The following EYS variants were observed in gnomAD, a reference collection of about 807,000 sequenced individuals.
EYS encodes the protein protein eyes shut homolog.
A neutral mutation model predicts 282.1 loss-of-function variants in EYS; 250 were observed. The ratio of observed to expected loss-of-function variants is 0.89; its 90% confidence interval spans 0.80 to 0.98. The LOEUF (loss-of-function observed/expected upper bound fraction) is 0.98. Among genes scored for constraint, EYS ranks in the 50% least tolerant of loss-of-function variants. The pLI is 0.00. For synonymous variants in EYS, 1,355 were observed against 1,282.9 expected (o/e 1.06, Z -1.20); for missense variants, 4,016 against 3,709.0 (o/e 1.08, Z -2.15).
At chr6:64,959,090 ATAAATACT>A (rs879620378) in intron 14 of EYS, among the ~76,000 whole-genome samples, 1 of 152,212 alleles carries the variant, frequency 6.6e-6, no homozygotes, top group Non-Finnish European at 1.5e-5. Context: ...GATGGGGGAT[ATAAATACT>A]CAGTCGTAGT....
intron 18 of EYS, among the ~76,000 whole-genome samples, chr6:64,896,667 C>A (rs1459104063): frequency 6.6e-6 from 1 of 151,992 alleles, no homozygotes; most frequent in Non-Finnish European, 1.5e-5. Context: ...GCAGATCCCA[C>A]CCCCACAGAG....
At chr6:65,608,200 T>C (rs959006856) in intron 2 of EYS, among the ~76,000 whole-genome samples, 1 of 152,068 alleles carries the variant, frequency 6.6e-6, no homozygotes, top group Non-Finnish European at 1.5e-5. Context: ...CTATATGCTA[T>C]AGCCTATTGC....
chr6:65,561,991 C>T (rs1769077466), intron 2 of EYS, among the ~76,000 whole-genome samples: 2 of 151,104 alleles, frequency 1.3e-5, no homozygotes, highest in Admixed American at 6.6e-5. Context: ...CCAACTTTTT[C>T]ATTGTAAAAT....
At chr6:63,884,271 A>T (rs1773207470) in intron 35 of EYS, among the ~76,000 whole-genome samples, 1 of 152,080 alleles carries the variant, frequency 6.6e-6, no homozygotes, top group South Asian at 2.1e-4. Context: ...TACTAAGAAG[A>T]TACATCTGAA....
chr6:64,259,488 A>G (rs1767510071), intron 30 of EYS, among the ~76,000 whole-genome samples: 1 of 152,002 alleles, frequency 6.6e-6, no homozygotes, highest in African/African-American at 2.4e-5. Context: ...TTTAAGAGCC[A>G]TCCCTTTGAT....
intron 31 of EYS, among the ~76,000 whole-genome samples, chr6:64,092,753 T>C (rs997398213): frequency 1.3e-5 from 2 of 151,702 alleles, no homozygotes; most frequent in African/African-American, 4.9e-5. Flanking sequence ...AGCTCTTTAG[T>C]CTAATTAGAT....
intron 28 of EYS, among the ~76,000 whole-genome samples, chr6:64,411,682 A>C (rs932000660): frequency 3.9e-5 from 6 of 152,050 alleles, no homozygotes; most frequent in Non-Finnish European, 5.9e-5. Context: ...ACCAATATAC[A>C]AAAGTTTATT....
intron 5 of EYS, among the ~76,000 whole-genome samples, chr6:65,441,025 G>A (rs1468618226): frequency 6.7e-6 from 1 of 148,416 alleles, no homozygotes; most frequent in African/African-American, 2.5e-5. Flanking sequence ...GCACATCATA[G>A]GAACTAAATA....
chr6:65,690,039 T>C (rs1769184469), intron 1 of EYS, among the ~76,000 whole-genome samples: 1 of 149,954 alleles, frequency 6.7e-6, no homozygotes. Flanking sequence ...GTCATTTCAT[T>C]ATGAGGTGAG....
chr6:64,043,791 G>A (rs1475451785), intron 33 of EYS, among the ~76,000 whole-genome samples: 2 of 152,208 alleles, frequency 1.3e-5, no homozygotes, highest in African/African-American at 2.4e-5. Context: ...TTTGTTCTGT[G>A]TGGTAACTTC....
chr6:63,879,001 C>T (rs1773056681), intron 35 of EYS, among the ~76,000 whole-genome samples: 1 of 152,168 alleles, frequency 6.6e-6, no homozygotes, highest in African/African-American at 2.4e-5. Flanking sequence ...GAACCCGGTA[C>T]TTCAGGTGCA....
At chr6:64,419,274 T>C (rs975850464) in intron 28 of EYS, among the ~76,000 whole-genome samples, 7 of 152,176 alleles carry the variant, frequency 4.6e-5, no homozygotes, top group African/African-American at 1.7e-4. Context: ...ACCACCTCCA[T>C]GATTCAATTA....
At chr6:64,517,942 G>A (rs1229391088) in intron 26 of EYS, among the ~76,000 whole-genome samples, 1 of 151,788 alleles carries the variant, frequency 6.6e-6, no homozygotes, top group African/African-American at 2.4e-5. Flanking sequence ...TTTTCCAGCT[G>A]ATGTTGCCTA....
chr6:65,633,163 A>G (rs1249771621), intron 2 of EYS, among the ~76,000 whole-genome samples: 3 of 152,118 alleles, frequency 2.0e-5, no homozygotes, highest in Non-Finnish European at 4.4e-5. Flanking sequence ...CATAAGATTT[A>G]TTTTTTGACT....
chr6:65,614,119 T>G (rs1003657753), intron 2 of EYS, among the ~76,000 whole-genome samples: 2 of 151,988 alleles, frequency 1.3e-5, no homozygotes, highest in Non-Finnish European at 1.5e-5. Context: ...TTCCATTATC[T>G]TTAGGTTTAT....
At chr6:65,394,191 C>T (rs1766173154) in intron 7 of EYS, among the ~76,000 whole-genome samples, 1 of 151,826 alleles carries the variant, frequency 6.6e-6, no homozygotes, top group African/African-American at 2.4e-5. Context: ...ATATTGGAGT[C>T]ATTGCATTCA....
intron 31 of EYS, among the ~76,000 whole-genome samples, chr6:64,196,613 A>G (rs1270221202): frequency 6.6e-6 from 1 of 152,092 alleles, no homozygotes; most frequent in Non-Finnish European, 1.5e-5. Context: ...ATGAAATTGG[A>G]AATCATCATT....
At chr6:63,916,782 C>A (rs987189763) in intron 35 of EYS, among the ~76,000 whole-genome samples, 6 of 152,126 alleles carry the variant, frequency 3.9e-5, no homozygotes, top group African/African-American at 1.4e-4. Flanking sequence ...TTGTAGCATA[C>A]GTTATATTTA....
chr6:64,572,871 T>C (rs889573846), intron 26 of EYS, among the ~76,000 whole-genome samples: 1 of 152,138 alleles, frequency 6.6e-6, no homozygotes, highest in African/African-American at 2.4e-5. Context: ...GATTCAATGC[T>C]GTCCCTGTAA....
Sources: allele counts gnomAD v4.1 joint callset (sites outside exome capture counted in the v4.1 genomes callset), GRCh38; gene constraint gnomAD v4.1.1; transcripts MANE v1.5; gene names NCBI Gene and HGNC (gene_info 2026-07-23, HGNC 2026-07-21).